Variants in ATP12A observed in about 807,000 individuals in gnomAD.
ATP12A encodes the protein potassium-transporting ATPase alpha chain 2.
In ATP12A, 81 loss-of-function variants were observed where a neutral mutation model predicts 111.2. The ratio of observed to expected loss-of-function variants is 0.73; its 90% CI spans 0.61 to 0.88. The LOEUF is 0.88. Ranked by LOEUF, ATP12A falls within the 40% of genes least tolerant of loss-of-function variation. ATP12A has a pLI of 0.00. For synonymous variants in ATP12A, 498 were observed against 499.8 expected, an observed-to-expected ratio of 1.00 and a Z score of 0.05; for missense variants, 1,196 against 1,313.1, an observed-to-expected ratio of 0.91 and a Z score of 1.38.
chr13:24,707,328 C>A lies in ATP12A; in HGVS notation c.2388C>A (p.Thr796=), dbSNP rs778121338. ...AGAAGACTATTGCTTATTCCCTGACCAAGAACATTGCCGAGCTGTGCCCCT... is the reference window on the plus strand; with the variant it reads ...AGAAGACTATTGCTTATTCCCTGACAAAGAACATTGCCGAGCTGTGCCCCT... ...NLKKTIAYSL[T]KNIAELCPFL... The change falls in exon 17 of 23, where the codon ACC becomes ACA. Residue 796 remains threonine (T), a synonymous_variant. Transcript: ENST00000381946. The A allele has an allele frequency of 6.2e-7, 1 of 1,614,192 alleles. No homozygotes were observed. The highest frequency in any genetic ancestry group is 8.5e-7 in the Non-Finnish European group (1 of 1,180,040).
intron 5 of ATP12A, among the ~76,000 whole-genome samples, chr13:24,690,025 G>A (rs1035520574): frequency 6.6e-6 from 1 of 152,124 alleles, no homozygotes; most frequent in Admixed American, 6.5e-5. Context: ...CTCTGGCTTG[G>A]CCAGATCTGG....
Position 24,709,466 on chromosome 13 carries a change from G to C in ATP12A, c.2596G>C (p.Val866Leu). ...KDRLVNQPLA[V>L]YSYLHIGLMQ... ...CAGGCTGGTGAACCAGCCGCTCGCT[G>C]TGTACTCATACCTGCACATTGGTAC... Residue 866 changes from valine to leucine, a missense_variant, in exon 18 of 23, where the codon GTG becomes CTG. Physicochemically the swap from Val to Leu is conservative, Grantham distance 32. Transcript: ENST00000381946. 1 of 1,614,092 alleles carries C rather than the reference G, an allele frequency of 6.2e-7. No homozygotes were observed. The highest frequency in any genetic ancestry group is 8.5e-7 in the Non-Finnish European group (1 of 1,180,024).
At chr13:24,691,385 C>A in intron 8 of ATP12A, 135 bp downstream of exon 8, 1 of 1,114,944 alleles carries the variant, frequency 9.0e-7, no homozygotes, top group Non-Finnish European at 1.2e-6. Flanking sequence ...AACCCTGGAA[C>A]ATTCTGCATA....
chr13:24,682,211 G>GTGTGT (rs1874497402), intron 2 of ATP12A, among the ~76,000 whole-genome samples: 1 of 131,414 alleles, frequency 7.6e-6, no homozygotes, highest in Admixed American at 7.6e-5. Flanking sequence ...TGTGTGTGGT[G>GTGTGT]TGTGTGGTGT....
At chr13:24,684,213 T>G (rs1182912344) in intron 2 of ATP12A, among the ~76,000 whole-genome samples, 1 of 152,126 alleles carries the variant, frequency 6.6e-6, no homozygotes, top group South Asian at 2.1e-4. Context: ...GCCTTAATCT[T>G]CTGAATCCCC....
At chr13:24,710,260 T>C (rs1315255133) in intron 19 of ATP12A, among the ~76,000 whole-genome samples, 200 bp from the exon 20 acceptor site, 1 of 152,176 alleles carries the variant, frequency 6.6e-6, no homozygotes, top group African/African-American at 2.4e-5. Flanking sequence ...ATAGTAATGA[T>C]AATTTTTTAA....
chr13:24,708,950 A>AAAGAAAGGAAGGAAGGAAGG (rs1175761649), intron 17 of ATP12A, among the ~76,000 whole-genome samples: 3 of 131,498 alleles, frequency 2.3e-5, no homozygotes, highest in Admixed American at 7.3e-5. Flanking sequence ...AGAAAGAAAG[A>AAAGAAAGGAAGGAAGGAAGG]AAGAAAGAAA....
intron 15 of ATP12A, 109 bp downstream of exon 15, chr13:24,706,572 A>G: frequency 6.9e-7 from 1 of 1,451,200 alleles, no homozygotes; most frequent in Non-Finnish European, 9.2e-7. Context: ...ACTTCAAGAG[A>G]GAGTTCTTGG....
chr13:24,694,596 A>C lies in ATP12A; in HGVS notation c.1512+18A>C. ...AATTTCAGGTGAGTTTTTCCTCACA[A>C]CCGGTAATCTCTGTCATCGGCAGCA... On this transcript the variant is annotated intron_variant, in intron 11 of 22. Coordinates refer to ENST00000381946, the MANE Select transcript of ATP12A (RefSeq NM_001676.7). The C allele has an allele frequency of 6.2e-7, 1 of 1,612,162 alleles. No homozygotes were observed. The highest frequency in any genetic ancestry group is 1.1e-5 in the South Asian group (1 of 90,950).
intron 17 of ATP12A, 76 bp from the exon 18 acceptor site, chr13:24,709,288 A>AC: frequency 1.2e-4 from 7 of 57,090 alleles, no homozygotes; most frequent in South Asian, 2.8e-4. Flanking sequence ...TGCCCCACCC[A>AC]CCCCAGCCCC....
Position 24,685,008 on chromosome 13 carries a change from T to C in ATP12A, c.169-306T>C, listed in dbSNP as rs886276342. 2.6e-5 allele frequency among the ~76,000 whole-genome samples: 4 copies of C among 152,290 alleles called. No homozygotes were observed. Among genetic ancestry groups the C allele is most frequent in the African/African-American group, 9.6e-5 (4 of 41,570 alleles). On this transcript the variant is annotated intron_variant, in intron 2 of 22. Coordinates refer to ENST00000381946, the MANE Select transcript of ATP12A (RefSeq NM_001676.7). The surrounding 1 kb of genome is among the most constrained non-coding windows in gnomAD (Gnocchi z 5.5). ...CCTGGAAGATGAGGGTGCCAGAACC[T>C]GTATGCCCTGGAGTTCAGATTGAAG... is the stretch of plus-strand genomic sequence containing the variant.
chr13:24,688,585 G>A (rs1285078909), intron 4 of ATP12A, 63 bp downstream of exon 4: 50 of 1,435,270 alleles, frequency 3.5e-5, no homozygotes, highest in African/African-American at 7.2e-5. Flanking sequence ...GGCCTTGGGG[G>A]CACAGCTGGG....
At position 24,680,505 on chromosome 13, in the gene ATP12A, C is replaced by T; in HGVS notation, c.-239C>T. On this transcript the variant is annotated 5_prime_UTR_variant, in exon 1 of 23. Coordinates refer to ENST00000381946, the MANE Select transcript of ATP12A (RefSeq NM_001676.7). Reference sequence around the variant, plus strand: ...CTCCGAGGCGTCCGCTGGCCTGCGCCCTGGCGGGGACGTGGGCGGGGCGGG... The same window carrying T: ...CTCCGAGGCGTCCGCTGGCCTGCGCTCTGGCGGGGACGTGGGCGGGGCGGG... 1 of 475,080 alleles carries T rather than the reference C, an allele frequency of 2.1e-6. No individual in the cohort carries two copies. The highest frequency in any genetic ancestry group is 3.6e-6 in the Non-Finnish European group (1 of 275,358). The allele number at this position is 475,080 out of a possible 1,614,324, so 29.4% of individuals were successfully genotyped here. A position where few individuals can be genotyped will look rare whatever the true frequency, so the allele number is the denominator to read the frequency against.
chr13:24,692,355 T>G, intron 8 of ATP12A, 74 bp from the exon 9 acceptor site: 1 of 1,453,432 alleles, frequency 6.9e-7, no homozygotes, highest in Non-Finnish European at 9.5e-7. Flanking sequence ...ACAGCTCACA[T>G]TGGCTATTTC....
Position 24,701,673 on chromosome 13 carries a change from C to T in ATP12A, c.1882-262C>T, listed in dbSNP as rs553985456. Among the ~76,000 whole-genome samples, 9 of 152,276 alleles carry T rather than the reference C, an allele frequency of 5.9e-5. No individual in the cohort carries two copies. The South Asian group carries it at 1.9e-3, about 32-fold the overall frequency. On this transcript the variant is annotated intron_variant, in intron 13 of 22. Coordinates refer to ENST00000381946, the MANE Select transcript of ATP12A (RefSeq NM_001676.7). ...TACCCCCAAGTAGACACTCACCAGC[C>T]CTTTCACAAATAAAGTGGCATCAAA...
chr13:24,705,761 C>T (rs1301896385), intron 14 of ATP12A, among the ~76,000 whole-genome samples: 1 of 152,102 alleles, frequency 6.6e-6, no homozygotes, highest in African/African-American at 2.4e-5. Flanking sequence ...CCTCAACCCC[C>T]CAGGCTCAAG....
Position 24,707,266 on chromosome 13 carries a change from C to A in ATP12A, c.2339-13C>A, listed in dbSNP as rs1256823919. 4 of 1,614,130 alleles carry A rather than the reference C, an allele frequency of 2.5e-6. No homozygotes were observed. In the South Asian group the frequency reaches 4.4e-5, roughly 18 times the overall value. Reference sequence around the variant, plus strand: ...CTAGAAGTAAGTTCTGAAGGAGAAACCTCTCTGCCTAGGTCGCCTGATCTT... The same window carrying A: ...CTAGAAGTAAGTTCTGAAGGAGAAAACTCTCTGCCTAGGTCGCCTGATCTT... On this transcript the variant is annotated splice_polypyrimidine_tract_variant and intron_variant, in intron 16 of 22. Transcript: ENST00000381946.
At position 24,709,396 on chromosome 13, in the gene ATP12A, T is replaced by C; in HGVS notation, c.2526T>C (p.Ala842=). 1 of 1,612,692 alleles carries C rather than the reference T, an allele frequency of 6.2e-7. No individual in the cohort carries two copies. Among genetic ancestry groups the C allele is most frequent in the Admixed American group, 1.7e-5 (1 of 59,858 alleles). Reference sequence around the variant, plus strand: ...CCATTGCCTTGGCGTACGAGAAAGCTGAAAGTGACATCATGAACAGGAAGC... The same window carrying C: ...CCATTGCCTTGGCGTACGAGAAAGCCGAAAGTGACATCATGAACAGGAAGC... ...IPSIALAYEK[A]ESDIMNRKPR... is the part of the protein sequence containing the mutation. The change falls in exon 18 of 23, where the codon GCT becomes GCC. Residue 842 remains alanine (A), a synonymous_variant. Transcript: ENST00000381946.
At chr13:24,702,469 C>A (rs1177629608) in intron 14 of ATP12A, among the ~76,000 whole-genome samples, 1 of 152,240 alleles carries the variant, frequency 6.6e-6, no homozygotes, top group African/African-American at 2.4e-5. Flanking sequence ...CCTTGGTAAG[C>A]ATCTTGGGTA....
Sources: allele counts gnomAD v4.1 joint callset (sites outside exome capture counted in the v4.1 genomes callset), GRCh38; gene constraint gnomAD v4.1.1; non-coding constraint Gnocchi (gnomAD v3.1); transcripts MANE v1.5; gene names NCBI Gene and HGNC (gene_info 2026-07-23, HGNC 2026-07-21).